ZNF469: variants seen among roughly 807,000 people sequenced by gnomAD.
ZNF469 encodes the protein zinc finger protein 469.
ZNF469 carries 1 observed loss-of-function variant against 1.0 expected under a neutral mutation model. The ratio of observed to expected loss-of-function variants is 1.00; its 90% CI spans 0.35 to 4.73. The LOEUF (loss-of-function observed/expected upper bound fraction) is 4.73. ZNF469 is among the 30% of genes most tolerant of loss of function. ZNF469 has a pLI of 0.16. For synonymous variants in ZNF469, 2,703 were observed against 2,363.4 expected (o/e 1.14, Z -4.17); for missense variants, 6,100 against 5,356.3 (o/e 1.14, Z -4.33).
At chr16:88,111,699 C>T in the ZNF469 span, among the ~76,000 whole-genome samples, 1 of 152,118 alleles carries the variant, frequency 6.6e-6, no homozygotes, top group Non-Finnish European at 1.5e-5. Flanking sequence ...TGCAGTGGTG[C>T]CATCTCAGCT....
At chr16:88,139,853 C>T in the ZNF469 span, among the ~76,000 whole-genome samples, 28 of 152,324 alleles carry the variant, frequency 1.8e-4, no homozygotes, top group African/African-American at 4.6e-4. Context: ...ATCCCTAAGA[C>T]GGAAATTCAC....
At chr16:88,218,896 A>G in the ZNF469 span, among the ~76,000 whole-genome samples, 2 of 145,672 alleles carry the variant, frequency 1.4e-5, no homozygotes, top group African/African-American at 5.2e-5. Flanking sequence ...AATCTCCTTA[A>G]GCTGATAAGC....
intron 1 of ZNF469, among the ~76,000 whole-genome samples, chr16:88,419,899 G>A (rs928836574): frequency 6.6e-6 from 1 of 152,258 alleles, no homozygotes; most frequent in African/African-American, 2.4e-5. Flanking sequence ...CTCACGCAAT[G>A]CCCTCCTCTG....
Position 88,426,297 on chromosome 16 carries a change from G to A in ZNF469, c.-126-1048G>A, listed in dbSNP as rs541570145. On this transcript the variant is annotated intron_variant, in intron 2 of 2. Transcript: ENST00000565624. ...ATGAGGACCCAGGGGTCAGTGGCAAGGACAATGCCTGCAAGGGCTGAGCCC... is the reference window on the plus strand; with the variant it reads ...ATGAGGACCCAGGGGTCAGTGGCAAAGACAATGCCTGCAAGGGCTGAGCCC... 1.1e-4 allele frequency among the ~76,000 whole-genome samples: 17 copies of A among 152,378 alleles called. No homozygotes were observed. In the East Asian group the frequency reaches 1.3e-3, roughly 12 times the overall value.
the ZNF469 span, among the ~76,000 whole-genome samples, chr16:88,288,470 C>G: frequency 6.6e-6 from 1 of 152,182 alleles, no homozygotes; most frequent in Admixed American, 6.5e-5. Flanking sequence ...CCAAATCTAT[C>G]AATCATCAAG....
At chr16:88,367,781 A>C in the ZNF469 span, among the ~76,000 whole-genome samples, 1 of 152,146 alleles carries the variant, frequency 6.6e-6, no homozygotes, top group African/African-American at 2.4e-5. Flanking sequence ...TCCCGGGCTC[A>C]TGGCCCCATC....
At chr16:88,306,398 G>A in the ZNF469 span, among the ~76,000 whole-genome samples, 4 of 152,262 alleles carry the variant, frequency 2.6e-5, no homozygotes, top group African/African-American at 9.6e-5. Flanking sequence ...GTTGTTCTCT[G>A]TAGGTGTGTG....
chr16:88,388,412 C>T (rs1904398175), intron 1 of ZNF469, among the ~76,000 whole-genome samples: 1 of 152,248 alleles, frequency 6.6e-6, no homozygotes. Flanking sequence ...CGGCCGGGCA[C>T]GGCAGCCGCC....
At chr16:88,304,931 C>T in the ZNF469 span, among the ~76,000 whole-genome samples, 3 of 152,140 alleles carry the variant, frequency 2.0e-5, no homozygotes, top group East Asian at 5.8e-4. Flanking sequence ...TTTTCTGAAG[C>T]TCTGAATCCT....
At chr16:88,320,325 CAGTG>C in the ZNF469 span, among the ~76,000 whole-genome samples, 1 of 152,212 alleles carries the variant, frequency 6.6e-6, no homozygotes, top group Non-Finnish European at 1.5e-5. Context: ...TTATTGTTAA[CAGTG>C]AGGCCTTGCG....
In ZNF469 at chr16:88,435,512, T is replaced by G; in HGVS notation, c.8042T>G (p.Val2681Gly). 1 of 1,549,298 alleles carries G rather than the reference T, an allele frequency of 6.5e-7. No individual in the cohort carries two copies. The highest frequency in any genetic ancestry group is 8.7e-7 in the Non-Finnish European group (1 of 1,146,956). The change falls in exon 3 of 3, where the codon GTG becomes GGG. Residue 2681 changes from valine to glycine, a missense_variant. Coordinates refer to ENST00000565624, the MANE Select transcript of ZNF469 (RefSeq NM_001367624.2). ...YAASPSHCLS[V>G]EGGPEADGEQ... ...GCCTCTCCGAGCCACTGCCTCTCTG[T>G]GGAAGGAGGGCCTGAGGCTGACGGG...
At chr16:88,209,214 G>A in the ZNF469 span, among the ~76,000 whole-genome samples, 1 of 151,938 alleles carries the variant, frequency 6.6e-6, no homozygotes, top group African/African-American at 2.4e-5. Context: ...CCCCAACACT[G>A]TCCCTCACCT....
At chr16:88,102,996 C>T in the ZNF469 span, among the ~76,000 whole-genome samples, 2 of 152,260 alleles carry the variant, frequency 1.3e-5, no homozygotes, top group East Asian at 1.9e-4. Context: ...ACTCTTTAGA[C>T]GTGGATAGTT....
chr16:88,254,518 G>A, the ZNF469 span, among the ~76,000 whole-genome samples: 1 of 152,228 alleles, frequency 6.6e-6, no homozygotes, highest in South Asian at 2.1e-4. Flanking sequence ...AGCACTTGGG[G>A]AGGCCGAGGT....
the ZNF469 span, among the ~76,000 whole-genome samples, chr16:88,246,214 A>C: frequency 6.6e-6 from 1 of 152,248 alleles, no homozygotes. Context: ...GAAAAGACTC[A>C]GTAAAGTCTG....
chr16:88,368,721 C>G, the ZNF469 span, among the ~76,000 whole-genome samples: 1 of 151,542 alleles, frequency 6.6e-6, no homozygotes, highest in Non-Finnish European at 1.5e-5. Flanking sequence ...GTCTGGGAGA[C>G]TGTGGCCTGG....
At position 88,428,049 on chromosome 16, in the gene ZNF469, C is replaced by T. The variant is rs1216971442; in HGVS notation, c.579C>T (p.Ser193=). 6.5e-7 allele frequency: 1 copy of T among 1,549,894 alleles called. No individual in the cohort carries two copies. The highest frequency in any genetic ancestry group is 1.2e-5 in the South Asian group (1 of 84,062). Residue 193 remains serine (S), a synonymous_variant, in exon 3 of 3, where the codon TCC becomes TCT. Transcript: ENST00000565624. ...AGGAGCCACCCTCCAGCTTTACCTC[C>T]ACCAACTATACCTCACCAAGCGCCA... ...CFQEPPSSFT[S]TNYTSPSATP...
the ZNF469 span, among the ~76,000 whole-genome samples, chr16:88,208,303 G>A: frequency 0.45 from 68,115 of 150,674 alleles, 16,649 homozygotes; most frequent in South Asian, 0.56. Flanking sequence ...GCAATCTGGC[G>A]CTTTCCCTGT....
rs1290168974 is a variant in ZNF469 at position 88,428,014 on chromosome 16, A to C, written c.544A>C (p.Arg182=). The change falls in exon 3 of 3, where the codon AGG becomes CGG. Residue 182 remains arginine, a synonymous_variant. Coordinates refer to ENST00000565624, the MANE Select transcript of ZNF469 (RefSeq NM_001367624.2). ...QPAAEELGFH[R]CFQEPPSSFT... The stretch of plus-strand genomic sequence containing the variant: ...CGCCGCCGAAGAGCTTGGCTTCCAC[A>C]GGTGCTTCCAGGAGCCACCCTCCAG... The C allele has an allele frequency of 1.3e-6, 2 of 1,549,806 alleles. No homozygotes were observed. Among genetic ancestry groups the C allele is most frequent in the African/African-American group, 2.7e-5 (2 of 72,990 alleles).
Sources: gnomAD v4.1 joint callset for allele counts (sites outside exome capture counted in the v4.1 genomes callset) on GRCh38, gnomAD v4.1.1 for gene constraint, MANE v1.5 for transcripts, NCBI Gene and HGNC (gene_info 2026-07-23, HGNC 2026-07-21) for gene names.